SGF29: variants seen among roughly 807,000 people sequenced by gnomAD.
SGF29 encodes SAGA-associated factor 29.
Under a neutral mutation model 38.1 loss-of-function variants are expected in SGF29, and 15 were observed. The ratio of observed to expected loss-of-function variants is 0.39; its 90% CI spans 0.26 to 0.61. The LOEUF (loss-of-function observed/expected upper bound fraction) is 0.61, where lower values mean the gene tolerates loss of function less well. SGF29 is among the 20% of genes least tolerant of loss of function. The pLI, the probability that SGF29 is intolerant of heterozygous loss-of-function variation, is 0.49. For synonymous variants in SGF29, 151 were observed against 160.8 expected (o/e 0.94, Z 0.46); for missense variants, 184 against 394.6 (o/e 0.47, Z 4.52).
intron 1 of SGF29, among the ~76,000 whole-genome samples, chr16:28,565,291 C>G (rs897313567): frequency 1.3e-5 from 2 of 152,150 alleles, no homozygotes; most frequent in Non-Finnish European, 2.9e-5. Flanking sequence ...CAGCGCTTCA[C>G]CAGCCGTCTA....
intron 1 of SGF29, among the ~76,000 whole-genome samples, chr16:28,568,508 G>T (rs995905776): frequency 2.0e-5 from 3 of 148,814 alleles, no homozygotes; most frequent in Non-Finnish European, 4.5e-5. Context: ...GCTTCATGAG[G>T]TGATTGATTA....
chr16:28,570,518 C>CTGAT (rs767031165), intron 1 of SGF29, among the ~76,000 whole-genome samples: 79 of 151,780 alleles, frequency 5.2e-4, no homozygotes, highest in Non-Finnish European at 7.5e-4. Context: ...TCACCCATAC[C>CTGAT]TGATTGATTG....
chr16:28,589,573 T>C (rs2046975318), intron 5 of SGF29, among the ~76,000 whole-genome samples: 1 of 152,158 alleles, frequency 6.6e-6, no homozygotes, highest in Non-Finnish European at 1.5e-5. Flanking sequence ...CTCCCAACAA[T>C]CCCATGGTGG....
At chr16:28,556,594 G>T (rs2046753500) in intron 1 of SGF29, among the ~76,000 whole-genome samples, 1 of 152,146 alleles carries the variant, frequency 6.6e-6, no homozygotes, top group Non-Finnish European at 1.5e-5. Flanking sequence ...TGATCTGCCG[G>T]CCTTGGCCTC....
chr16:28,562,167 A>G (rs532646411), intron 1 of SGF29, among the ~76,000 whole-genome samples: 2 of 152,264 alleles, frequency 1.3e-5, no homozygotes, highest in East Asian at 1.9e-4. Context: ...TCTTTTGCTC[A>G]GTGTAACAGC....
chr16:28,590,797 T>G lies in SGF29; in HGVS notation c.627T>G (p.Arg209=). The change falls in exon 9 of 10, where the codon CGT becomes CGG. Residue 209 remains arginine (R), a synonymous_variant. Coordinates refer to ENST00000317058, the MANE Select transcript of SGF29 (RefSeq NM_138414.3). The surrounding 1 kb of genome is among the most constrained non-coding windows in gnomAD (Gnocchi z 8.2). The stretch of plus-strand genomic sequence containing the variant: ...GGAGACACACCCTGAGCCGGCGCCG[T>G]GTCATCCCGCTGCCCCAGTGGAAGG... ...GKERHTLSRR[R]VIPLPQWKAN... is the part of the protein sequence containing the mutation. 2 of 1,613,928 alleles carry G rather than the reference T, an allele frequency of 1.2e-6. No homozygotes were observed. The highest frequency in any genetic ancestry group is 1.7e-6 in the Non-Finnish European group (2 of 1,179,944).
At chr16:28,589,633 T>G (rs532339188) in intron 5 of SGF29, among the ~76,000 whole-genome samples, 8 of 152,364 alleles carry the variant, frequency 5.3e-5, no homozygotes, top group African/African-American at 1.9e-4. Flanking sequence ...TGGTTCTGTG[T>G]GAAGTCAAGT....
chr16:28,575,798 C>T (rs2151648487), intron 1 of SGF29, among the ~76,000 whole-genome samples: 1 of 152,208 alleles, frequency 6.6e-6, no homozygotes, highest in East Asian at 2.0e-4. Context: ...TAGGGACACA[C>T]AAATCAAAAC....
At chr16:28,577,596 G>C (rs2046902587) in intron 1 of SGF29, among the ~76,000 whole-genome samples, 2 of 152,174 alleles carry the variant, frequency 1.3e-5, no homozygotes, top group Non-Finnish European at 2.9e-5. Flanking sequence ...CCACTGTATG[G>C]ATAATATCAC....
chr16:28,570,544 T>TTTTATTTA (rs61126025), intron 1 of SGF29, among the ~76,000 whole-genome samples: 3,819 of 137,630 alleles, frequency 0.028, 92 homozygotes, highest in Admixed American at 0.05. Context: ...TTTTTTTAAA[T>TTTTATTTA]TTTATTTATT....
At chr16:28,564,786 T>TACAC (rs780806116) in intron 1 of SGF29, among the ~76,000 whole-genome samples, 1 of 110,370 alleles carries the variant, frequency 9.1e-6, no homozygotes, top group African/African-American at 3.4e-5. Flanking sequence ...TATATATATA[T>TACAC]ACACACACAC....
chr16:28,584,622 T>C (rs2046944560), intron 2 of SGF29, among the ~76,000 whole-genome samples: 1 of 152,064 alleles, frequency 6.6e-6, no homozygotes, highest in Non-Finnish European at 1.5e-5. Context: ...ACTCCGTCTC[T>C]TCTAAAACTA....
At chr16:28,582,630 A>G (rs1453792623) in intron 2 of SGF29, among the ~76,000 whole-genome samples, 1 of 152,208 alleles carries the variant, frequency 6.6e-6, no homozygotes, top group East Asian at 1.9e-4. Context: ...AGAGTTTATC[A>G]ATAAAATACA....
chr16:28,560,338 C>A (rs1231998286), intron 1 of SGF29, among the ~76,000 whole-genome samples: 10 of 150,004 alleles, frequency 6.7e-5, no homozygotes, highest in Non-Finnish European at 1.5e-5. Context: ...CGCCTGTAAT[C>A]CCAGCACTTT....
At chr16:28,564,764 T>TATATATGTATAC (rs2046825183) in intron 1 of SGF29, among the ~76,000 whole-genome samples, 3 of 62,836 alleles carry the variant, frequency 4.8e-5, no homozygotes, top group Non-Finnish European at 9.1e-5. Flanking sequence ...TGTATATATG[T>TATATATGTATAC]ATATATATGT....
intron 1 of SGF29, among the ~76,000 whole-genome samples, chr16:28,571,891 T>G (rs1396092857): frequency 6.6e-6 from 1 of 152,212 alleles, no homozygotes; most frequent in East Asian, 1.9e-4. Flanking sequence ...AGCAGAGATT[T>G]CCGTTCTTGC....
At chr16:28,576,214 A>G (rs1265478316) in intron 1 of SGF29, among the ~76,000 whole-genome samples, 1 of 152,182 alleles carries the variant, frequency 6.6e-6, no homozygotes, top group Non-Finnish European at 1.5e-5. Context: ...AAATGAAAAC[A>G]TGTCATGAAT....
chr16:28,582,952 GA>G (rs1342084137), intron 2 of SGF29, among the ~76,000 whole-genome samples: 2 of 151,858 alleles, frequency 1.3e-5, no homozygotes, highest in South Asian at 2.1e-4. Context: ...ATAAATAAAG[GA>G]AAAAAAAGAT....
chr16:28,582,086 G>T (rs1406456681), intron 2 of SGF29, among the ~76,000 whole-genome samples: 1 of 152,210 alleles, frequency 6.6e-6, no homozygotes, highest in Non-Finnish European at 1.5e-5. Flanking sequence ...TTTGCTGGCA[G>T]TTGTGCACCG....
Sources: allele counts gnomAD v4.1 joint callset (sites outside exome capture counted in the v4.1 genomes callset), GRCh38; gene constraint gnomAD v4.1.1; non-coding constraint Gnocchi (gnomAD v3.1); transcripts MANE v1.5; gene names NCBI Gene and HGNC (gene_info 2026-07-23, HGNC 2026-07-21).